Variants in CCDC7 observed in about 807,000 individuals in gnomAD.
CCDC7 encodes coiled-coil domain-containing protein 7.
A neutral mutation model predicts 196.9 loss-of-function variants in CCDC7; 183 were observed. That is an observed-to-expected ratio of 0.93 (90% CI 0.82 to 1.05). The LOEUF (loss-of-function observed/expected upper bound fraction) is 1.05, where lower values mean the gene tolerates loss of function less well. CCDC7 is among the 50% of genes least tolerant of loss of function. The probability of loss-of-function intolerance (pLI) is 0.00; values close to 1 mark genes in which losing one functional copy is unlikely to be tolerated. For synonymous variants in CCDC7, 525 were observed against 484.6 expected (o/e 1.08, Z -1.10); for missense variants, 1,540 against 1,482.2 (o/e 1.04, Z -0.64).
At chr10:32,676,862 A>G (rs2075069772) in intron 21 of CCDC7, among the ~76,000 whole-genome samples, 1 of 152,220 alleles carries the variant, frequency 6.6e-6, no homozygotes, top group South Asian at 2.1e-4. Context: ...TAGCCATCCC[A>G]TTACTGGGTA....
At chr10:32,660,203 C>A (rs902145736) in intron 20 of CCDC7, among the ~76,000 whole-genome samples, 6 of 147,514 alleles carry the variant, frequency 4.1e-5, no homozygotes, top group Non-Finnish European at 8.9e-5. Context: ...TATACATGTG[C>A]CATGCTGGTG....
intron 20 of CCDC7, among the ~76,000 whole-genome samples, chr10:32,647,468 C>CCGCTG (rs2067973364): frequency 1.6e-4 from 1 of 6,310 alleles, no homozygotes; most frequent in African/African-American, 2.5e-4. Context: ...TGAGATCGTG[C>CCGCTG]CACTTTTCTC....
intron 21 of CCDC7, among the ~76,000 whole-genome samples, chr10:32,676,993 G>T (rs948555150): frequency 1.3e-5 from 2 of 150,966 alleles, no homozygotes; most frequent in African/African-American, 5.0e-5. Context: ...CGATAGACTG[G>T]ATTAAGAAAA....
chr10:32,451,426 G>A (rs2033042552), upstream of CCDC7, among the ~76,000 whole-genome samples: 1 of 152,098 alleles, frequency 6.6e-6, no homozygotes, highest in African/African-American at 2.4e-5. Flanking sequence ...TCTTCGTTTT[G>A]TTTAAGTTAC....
chr10:32,754,047 C>T (rs1024228039), intron 28 of CCDC7, among the ~76,000 whole-genome samples: 2 of 151,810 alleles, frequency 1.3e-5, no homozygotes, highest in Non-Finnish European at 2.9e-5. Flanking sequence ...GATAAAATTC[C>T]TATTGCTGCT....
intron 41 of CCDC7, among the ~76,000 whole-genome samples, chr10:32,872,439 C>CA (rs2094462713): frequency 6.6e-6 from 1 of 151,808 alleles, no homozygotes; most frequent in South Asian, 2.1e-4. Flanking sequence ...TGTCTCTGCA[C>CA]GTGAGATGGG....
chr10:32,585,053 T>G (rs1191650821), intron 18 of CCDC7, among the ~76,000 whole-genome samples: 1 of 151,986 alleles, frequency 6.6e-6, no homozygotes, highest in Non-Finnish European at 1.5e-5. Context: ...CAATCAATAT[T>G]TTATTGCATT....
intron 18 of CCDC7, among the ~76,000 whole-genome samples, chr10:32,597,503 C>A (rs2060518215): frequency 6.6e-6 from 1 of 152,190 alleles, no homozygotes; most frequent in Admixed American, 6.5e-5. Flanking sequence ...TATTACTGAT[C>A]ATCTGAAGTC....
At chr10:32,819,128 G>A (rs1336990808) in intron 31 of CCDC7, among the ~76,000 whole-genome samples, 1 of 152,016 alleles carries the variant, frequency 6.6e-6, no homozygotes, top group Non-Finnish European at 1.5e-5. Context: ...AATGATAAAG[G>A]GGATATCACC....
At chr10:32,825,570 C>T (rs190847369) in intron 32 of CCDC7, among the ~76,000 whole-genome samples, 29 of 152,228 alleles carry the variant, frequency 1.9e-4, no homozygotes, top group African/African-American at 7.0e-4. Context: ...ACTTCTTTCC[C>T]TCTAGAGAAC....
At chr10:32,763,457 A>G (rs1227062077) in intron 28 of CCDC7, among the ~76,000 whole-genome samples, 2 of 151,960 alleles carry the variant, frequency 1.3e-5, no homozygotes, top group African/African-American at 2.4e-5. Flanking sequence ...GAATTACCAT[A>G]TAACCCAGCA....
intron 13 of CCDC7, among the ~76,000 whole-genome samples, chr10:32,563,121 T>C (rs2056072897): frequency 1.3e-5 from 2 of 151,966 alleles, no homozygotes; most frequent in South Asian, 2.1e-4. Flanking sequence ...CAAGGAGAGC[T>C]ACAAACCACT....
intron 8 of CCDC7, among the ~76,000 whole-genome samples, chr10:32,491,477 T>G (rs547310404): frequency 3.9e-5 from 6 of 152,314 alleles, no homozygotes; most frequent in African/African-American, 1.4e-4. Flanking sequence ...GTTAGCTAGA[T>G]CCTTCCCATA....
At chr10:32,521,762 A>G (rs113156210) in intron 11 of CCDC7, among the ~76,000 whole-genome samples, 6,468 of 152,246 alleles carry the variant, frequency 0.042, 463 homozygotes, top group African/African-American at 0.15. Flanking sequence ...GACAGTGGGC[A>G]TTCTTACCAT....
chr10:32,633,213 G>GCACA (rs5784300), intron 18 of CCDC7, among the ~76,000 whole-genome samples: 6 of 151,016 alleles, frequency 4.0e-5, no homozygotes, highest in East Asian at 2.0e-4. Flanking sequence ...GCGCGTGCAC[G>GCACA]CACACACACA....
chr10:32,624,994 T>TG (rs2063823425), intron 18 of CCDC7, among the ~76,000 whole-genome samples: 1 of 144,078 alleles, frequency 6.9e-6, no homozygotes, highest in African/African-American at 2.6e-5. Context: ...GTTTTTTTTT[T>TG]TTTTTTTTTT....
intron 28 of CCDC7, among the ~76,000 whole-genome samples, chr10:32,742,767 T>C (rs1565361041): frequency 6.6e-6 from 1 of 152,142 alleles, no homozygotes; most frequent in Non-Finnish European, 1.5e-5. Context: ...CACTGTACCT[T>C]CATGTAGTCT....
intron 24 of CCDC7, among the ~76,000 whole-genome samples, chr10:32,701,895 G>A (rs1257042926): frequency 1.3e-5 from 2 of 152,014 alleles, no homozygotes; most frequent in African/African-American, 4.8e-5. Context: ...GCGTCAATTT[G>A]ATTCTTCTCT....
chr10:32,741,640 C>T (rs765114431), intron 28 of CCDC7, among the ~76,000 whole-genome samples: 2 of 152,148 alleles, frequency 1.3e-5, no homozygotes, highest in Non-Finnish European at 2.9e-5. Context: ...TCATGTTGTT[C>T]AAGTATCAAC....
Sources: allele counts gnomAD v4.1 joint callset (sites outside exome capture counted in the v4.1 genomes callset), GRCh38; gene constraint gnomAD v4.1.1; transcripts MANE v1.5; gene names NCBI Gene and HGNC (gene_info 2026-07-23, HGNC 2026-07-21).